The following ABCC4 variants were observed in gnomAD, a reference collection of about 807,000 sequenced individuals.
ABCC4 encodes ATP binding cassette subfamily C member 4 (PEL blood group), also known as ATP-binding cassette sub-family C member 4.
A neutral mutation model predicts 168.5 loss-of-function variants in ABCC4; 102 were observed. The ratio of observed to expected loss-of-function variants is 0.61; its 90% CI spans 0.52 to 0.71. ABCC4 has a LOEUF of 0.71. ABCC4 is among the 30% of genes least tolerant of loss of function. The pLI is 0.00. For missense variants in ABCC4, 1,402 were observed against 1,605.8 expected, an observed-to-expected ratio of 0.87 and a Z score of 2.17; for synonymous variants, 617 against 590.7, an observed-to-expected ratio of 1.04 and a Z score of -0.65.
intron 20 of ABCC4, among the ~76,000 whole-genome samples, chr13:95,087,209 C>CA (rs1441971408): frequency 6.6e-6 from 1 of 152,002 alleles, no homozygotes; most frequent in African/African-American, 2.4e-5. Flanking sequence ...GAGACTAAAA[C>CA]AAAAAACAAA....
At chr13:95,218,567 G>A (rs529289714) in intron 4 of ABCC4, among the ~76,000 whole-genome samples, 42 of 152,074 alleles carry the variant, frequency 2.8e-4, no homozygotes, top group Non-Finnish European at 2.5e-4. Flanking sequence ...AAAGTTCTCC[G>A]TAGGCCAGGT....
At chr13:95,095,405 T>C (rs1258882630) in intron 20 of ABCC4, among the ~76,000 whole-genome samples, 2 of 152,150 alleles carry the variant, frequency 1.3e-5, no homozygotes, top group African/African-American at 2.4e-5. Flanking sequence ...TGGATGAGAC[T>C]GGAGACTATT....
chr13:95,144,106 A>G (rs1470973627), intron 19 of ABCC4, among the ~76,000 whole-genome samples: 1 of 152,180 alleles, frequency 6.6e-6, no homozygotes, highest in African/African-American at 2.4e-5. Context: ...ACACTGTGAC[A>G]CCTGTTATTT....
chr13:95,064,724 G>A (rs898029518), intron 25 of ABCC4, among the ~76,000 whole-genome samples: 2 of 151,972 alleles, frequency 1.3e-5, no homozygotes, highest in Admixed American at 6.6e-5. Context: ...GAACACTGAG[G>A]GCTGCCTACA....
chr13:95,064,341 G>C (rs1211727500), intron 25 of ABCC4, among the ~76,000 whole-genome samples: 2 of 147,170 alleles, frequency 1.4e-5, no homozygotes, highest in South Asian at 4.3e-4. Flanking sequence ...ATTTCACAGG[G>C]ATATTAATTC....
At chr13:95,081,444 T>C (rs542631455) in intron 21 of ABCC4, among the ~76,000 whole-genome samples, 5 of 152,168 alleles carry the variant, frequency 3.3e-5, no homozygotes, top group South Asian at 2.1e-4. Context: ...AGCCTTGCTG[T>C]CCACACACAA....
intron 1 of ABCC4, among the ~76,000 whole-genome samples, chr13:95,268,804 G>C (rs1361942260): frequency 2.0e-5 from 3 of 152,094 alleles, no homozygotes; most frequent in African/African-American, 4.8e-5. Context: ...GAGAAATAAT[G>C]ATCAATAAAT....
chr13:95,056,298 G>T (rs2033053743), intron 26 of ABCC4, among the ~76,000 whole-genome samples: 1 of 152,162 alleles, frequency 6.6e-6, no homozygotes, highest in Non-Finnish European at 1.5e-5. Flanking sequence ...TTGATTCAGG[G>T]CAGCTCATCT....
In ABCC4 at chr13:95,258,045, C is replaced by T. The variant is rs9561820; in HGVS notation, c.75-10292G>A. On this transcript the variant is annotated intron_variant, in intron 1 of 30. Coordinates refer to ENST00000645237, the MANE Select transcript of ABCC4 (RefSeq NM_005845.5). ...GCCTTTCCAGGTGCATTTGTCCCAACAAGAACCAGATCCCATTTGTCCCAA... is the reference window on the plus strand; with the variant it reads ...GCCTTTCCAGGTGCATTTGTCCCAATAAGAACCAGATCCCATTTGTCCCAA... 0.019 allele frequency among the ~76,000 whole-genome samples: 2,878 copies of T among 152,198 alleles called. 203 individuals are homozygous for T. In the East Asian group the frequency reaches 0.24, roughly 13 times the overall value.
intron 21 of ABCC4, among the ~76,000 whole-genome samples, chr13:95,081,488 G>A (rs1284208640): frequency 6.6e-6 from 1 of 152,152 alleles, no homozygotes; most frequent in African/African-American, 2.4e-5. Flanking sequence ...CACAAGGAAG[G>A]TCTCCCAGCA....
intron 4 of ABCC4, among the ~76,000 whole-genome samples, chr13:95,232,164 A>G (rs2039640854): frequency 6.6e-6 from 1 of 151,430 alleles, no homozygotes; most frequent in Admixed American, 6.6e-5. Flanking sequence ...GGTGATGATG[A>G]TGAAGACCCC....
chr13:95,202,509 G>C (rs1343295260), intron 8 of ABCC4, among the ~76,000 whole-genome samples: 1 of 152,126 alleles, frequency 6.6e-6, no homozygotes, highest in Non-Finnish European at 1.5e-5. Flanking sequence ...GAGTTGGTGA[G>C]AACCCAAGGT....
intron 19 of ABCC4, among the ~76,000 whole-genome samples, chr13:95,129,034 A>T (rs1375388957): frequency 6.6e-6 from 1 of 152,276 alleles, no homozygotes; most frequent in African/African-American, 2.4e-5. Context: ...TAATGCTGTC[A>T]TTTTTTAAAA....
chr13:95,239,412 A>G (rs199914638), intron 3 of ABCC4, among the ~76,000 whole-genome samples: 7 of 152,238 alleles, frequency 4.6e-5, no homozygotes, highest in Non-Finnish European at 7.3e-5. Context: ...ATCTTTAAAT[A>G]TAAACATAAA....
intron 20 of ABCC4, among the ~76,000 whole-genome samples, chr13:95,097,311 C>T (rs988605439): frequency 1.3e-5 from 2 of 152,044 alleles, no homozygotes; most frequent in Admixed American, 6.6e-5. Context: ...TAAAACCAAC[C>T]ATATCTATAA....
chr13:95,276,340 A>G (rs561939160), intron 1 of ABCC4, among the ~76,000 whole-genome samples: 2 of 150,156 alleles, frequency 1.3e-5, no homozygotes, highest in Non-Finnish European at 3.0e-5. Flanking sequence ...ACTTAAGCCC[A>G]GGAAGTCAAG....
chr13:95,284,471 G>A (rs1278834811), intron 1 of ABCC4, among the ~76,000 whole-genome samples: 1 of 152,210 alleles, frequency 6.6e-6, no homozygotes, highest in Non-Finnish European at 1.5e-5. Flanking sequence ...TTATAGGCAT[G>A]AGCCACCTTG....
Position 95,034,599 on chromosome 13 carries a change from G to T in ABCC4, c.3870+6C>A. The T allele has an allele frequency of 1.2e-6, 2 of 1,611,522 alleles. No individual in the cohort carries two copies. The highest frequency in any genetic ancestry group is 1.7e-6 in the Non-Finnish European group (2 of 1,179,472). On this transcript the variant is annotated splice_donor_region_variant and intron_variant, in intron 30 of 30. Transcript: ENST00000645237. ...CTTTAATTACAACTCCTTGGAGCAC[G>T]CTCACCTGTTTTGCTGTTTCAGTGA...
intron 20 of ABCC4, among the ~76,000 whole-genome samples, chr13:95,112,481 G>A (rs953615186): frequency 6.6e-6 from 1 of 152,150 alleles, no homozygotes; most frequent in Non-Finnish European, 1.5e-5. Context: ...TCTGGTAAGT[G>A]TAGAATTTCA....
Sources: allele counts gnomAD v4.1 joint callset (sites outside exome capture counted in the v4.1 genomes callset), GRCh38; gene constraint gnomAD v4.1.1; transcripts MANE v1.5; gene names NCBI Gene and HGNC (gene_info 2026-07-23, HGNC 2026-07-21).